NUP50: variants seen among roughly 807,000 people sequenced by gnomAD.
NUP50 encodes the protein nucleoporin 50.
A neutral mutation model predicts 36.8 loss-of-function variants in NUP50; 14 were observed. The ratio of observed to expected loss-of-function variants is 0.38; its 90% CI spans 0.25 to 0.59. The LOEUF (loss-of-function observed/expected upper bound fraction) is 0.59. Among genes scored for constraint, NUP50 ranks in the 20% least tolerant of loss-of-function variants. NUP50 has a pLI of 0.63. For synonymous variants in NUP50, 195 were observed against 210.8 expected (o/e 0.93, Z 0.65); for missense variants, 455 against 564.6 (o/e 0.81, Z 1.97).
At chr22:45,179,066 C>A in intron 5 of NUP50, 166 bp downstream of exon 5, 1 of 607,946 alleles carries the variant, frequency 1.6e-6, no homozygotes, top group Non-Finnish European at 2.7e-6. Context: ...TTTCAGATTC[C>A]TGCTTTATAA....
At position 45,178,087 on chromosome 22, in the gene NUP50, C is replaced by T. The variant is rs187188197; in HGVS notation, c.341-151C>T. Reference sequence around the variant, plus strand: ...GTTGCAGTGAGCCAAGATCGTGCCACGGCACTCCAGCCTGGGTGACAGAGC... The same window carrying T: ...GTTGCAGTGAGCCAAGATCGTGCCATGGCACTCCAGCCTGGGTGACAGAGC... On this transcript the variant is annotated intron_variant, in intron 4 of 7. Transcript: ENST00000347635. The T allele has an allele frequency of 3.9e-3, 2,748 of 698,538 alleles. 10 individuals are homozygous for T. Among genetic ancestry groups the T allele is most frequent in the Non-Finnish European group, 5.7e-3 (2,404 of 419,264 alleles). The allele number at this position is 698,538 out of a possible 1,614,324, so 43.3% of individuals were successfully genotyped here. A position where few individuals can be genotyped will look rare whatever the true frequency, so the allele number is the denominator to read the frequency against.
At position 45,178,767 on chromosome 22, in the gene NUP50, G is replaced by A. The variant is rs773914506; in HGVS notation, c.870G>A (p.Leu290=). Residue 290 remains leucine, a synonymous_variant, in exon 5 of 8, where the codon CTG becomes CTA. Transcript: ENST00000347635. ...TGGGCTCATTAAGCTCTGTCCCCCT[G>A]ACTGGATTTTCTTTCTCCCCTGGAA... is the stretch of plus-strand genomic sequence containing the variant. ...SVLGSLSSVP[L]TGFSFSPGNS... 10 of 1,613,784 alleles carry A rather than the reference G, an allele frequency of 6.2e-6. 1 individual carries two copies. The highest frequency in any genetic ancestry group is 4.4e-5 in the South Asian group (4 of 91,064).
chr22:45,181,005 T>C (rs2074360646), intron 5 of NUP50, among the ~76,000 whole-genome samples: 1 of 151,728 alleles, frequency 6.6e-6, no homozygotes, highest in African/African-American at 2.4e-5. Context: ...GTCATAAGCA[T>C]GGAGATTTTT....
At chr22:45,176,325 C>T (rs2074276332) in intron 4 of NUP50, among the ~76,000 whole-genome samples, 1 of 152,182 alleles carries the variant, frequency 6.6e-6, no homozygotes, top group African/African-American at 2.4e-5. Context: ...TTGTGTGACC[C>T]TGGCCTCTAG....
chr22:45,176,450 C>T (rs1046770451), intron 4 of NUP50, among the ~76,000 whole-genome samples: 1 of 152,124 alleles, frequency 6.6e-6, no homozygotes, highest in African/African-American at 2.4e-5. Context: ...CTGTGTGCCT[C>T]GCACCAAACT....
intron 2 of NUP50, among the ~76,000 whole-genome samples, chr22:45,170,022 T>C (rs1462095567): frequency 6.6e-6 from 1 of 152,190 alleles, no homozygotes; most frequent in Non-Finnish European, 1.5e-5. Flanking sequence ...TTAAAGTCTT[T>C]GATCTTTCTG....
At chr22:45,172,912 G>C (rs1290706712) in intron 3 of NUP50, among the ~76,000 whole-genome samples, 1 of 152,182 alleles carries the variant, frequency 6.6e-6, no homozygotes, top group Admixed American at 6.5e-5. Context: ...TACCAATATA[G>C]TGTAATTCGA....
chr22:45,175,599 A>G (rs1025949798), intron 3 of NUP50, among the ~76,000 whole-genome samples: 1 of 152,216 alleles, frequency 6.6e-6, no homozygotes, highest in Non-Finnish European at 1.5e-5. Flanking sequence ...TGGTGGGTAC[A>G]TAGGTTTATT....
intron 1 of NUP50, chr22:45,165,007 C>G (rs2147659129): frequency 6.6e-6 from 1 of 152,296 alleles, no homozygotes; most frequent in South Asian, 2.1e-4. Flanking sequence ...CAACAAGGCA[C>G]TTCACTATTA....
chr22:45,183,555 A>G (rs1246120836), intron 7 of NUP50, 35 bp downstream of exon 7: 5 of 1,260,078 alleles, frequency 4.0e-6, no homozygotes, highest in Admixed American at 1.7e-5. Context: ...CAAAATCATC[A>G]TCACATAGTA....
intron 5 of NUP50, among the ~76,000 whole-genome samples, chr22:45,180,977 T>C (rs1307072935): frequency 6.9e-6 from 1 of 144,478 alleles, no homozygotes; most frequent in Non-Finnish European, 1.5e-5. Flanking sequence ...GCATATAGAG[T>C]GTTGATTTTT....
intron 3 of NUP50, among the ~76,000 whole-genome samples, chr22:45,175,519 A>C (rs1186946112): frequency 1.3e-5 from 2 of 152,188 alleles, no homozygotes; most frequent in Non-Finnish European, 2.9e-5. Context: ...TCTTTGACTG[A>C]GTAGTACATG....
chr22:45,170,972 T>C (rs2074183184), intron 2 of NUP50: 4 of 1,303,460 alleles, frequency 3.1e-6, no homozygotes, highest in Non-Finnish European at 4.0e-6. Flanking sequence ...AGAAATATTT[T>C]ATTCCGACCC....
intron 6 of NUP50, among the ~76,000 whole-genome samples, chr22:45,181,876 C>T (rs2074379131): frequency 6.6e-6 from 1 of 152,164 alleles, no homozygotes; most frequent in Admixed American, 6.5e-5. Flanking sequence ...ATCTTCCTTT[C>T]AATTAAATGA....
rs185074842 is a variant in NUP50 at position 45,185,623 on chromosome 22, A to G, written c.*968A>G. The stretch of plus-strand genomic sequence containing the variant: ...GAAACATGTAATAAAGTCATGGAAG[A>G]GAAAATCGTGTGTAAACTTTGCCTT... On this transcript the variant is annotated 3_prime_UTR_variant, in exon 8 of 8. Coordinates refer to ENST00000347635, the MANE Select transcript of NUP50 (RefSeq NM_007172.4). 9.8e-5 allele frequency: 15 copies of G among 152,372 alleles called. No homozygotes were observed. The East Asian group carries it at 2.7e-3, about 27-fold the overall frequency. The allele number at this position is 152,372 out of a possible 1,614,324, so 9.4% of individuals were successfully genotyped here.
intron 6 of NUP50, 64 bp downstream of exon 6, chr22:45,181,431 G>C: frequency 9.4e-7 from 1 of 1,064,548 alleles, no homozygotes; most frequent in Non-Finnish European, 1.4e-6. Context: ...CTTCAGGCTG[G>C]AGAATGTCCT....
intron 7 of NUP50, chr22:45,183,766 T>C (rs2074421686): frequency 4.6e-6 from 2 of 433,216 alleles, no homozygotes; most frequent in Middle Eastern, 6.4e-4. Flanking sequence ...ACTAAGAAGC[T>C]AGAGATTAGA....
intron 6 of NUP50, 87 bp from the exon 7 acceptor site, chr22:45,183,315 A>C: frequency 1.3e-6 from 1 of 765,108 alleles, no homozygotes; most frequent in Non-Finnish European, 2.3e-6. Context: ...GAGATTTTCC[A>C]CACAAGTGTG....
chr22:45,180,843 A>T (rs1009962343), intron 5 of NUP50, among the ~76,000 whole-genome samples: 1 of 45,082 alleles, frequency 2.2e-5, no homozygotes, highest in Non-Finnish European at 3.7e-5. Flanking sequence ...GTCCCCTGTT[A>T]AAAAAAAAAA....
Sources: allele counts gnomAD v4.1 joint callset (sites outside exome capture counted in the v4.1 genomes callset), GRCh38; gene constraint gnomAD v4.1.1; transcripts MANE v1.5; gene names NCBI Gene and HGNC (gene_info 2026-07-23, HGNC 2026-07-21).